GRIN2A: variants seen among roughly 807,000 people sequenced by gnomAD.
GRIN2A encodes glutamate receptor ionotropic, NMDA 2A.
In GRIN2A, 22 loss-of-function variants were observed where a neutral mutation model predicts 113.4. The ratio of observed to expected loss-of-function variants is 0.19; its 90% CI spans 0.14 to 0.28. The LOEUF is 0.28. Ranked by LOEUF, GRIN2A falls within the 10% of genes least tolerant of loss-of-function variation. The pLI, the probability that GRIN2A is intolerant of heterozygous loss-of-function variation, is 1.00. For missense variants in GRIN2A, 1,502 were observed against 1,887.0 expected, an observed-to-expected ratio of 0.80 and a Z score of 3.78; for synonymous variants, 827 against 738.4, an observed-to-expected ratio of 1.12 and a Z score of -1.94.
At chr16:10,091,456 A>G (rs1439333845) in intron 2 of GRIN2A, among the ~76,000 whole-genome samples, 1 of 62,690 alleles carries the variant, frequency 1.6e-5, no homozygotes, top group Non-Finnish European at 3.5e-5. Context: ...ATGTGTGTGT[A>G]TACACACACA....
chr16:9,995,786 G>T (rs1366472474), intron 2 of GRIN2A, among the ~76,000 whole-genome samples: 2 of 151,980 alleles, frequency 1.3e-5, no homozygotes, highest in Non-Finnish European at 2.9e-5. Flanking sequence ...CAATGCAAGG[G>T]ATAAATGACC....
chr16:9,988,476 A>G (rs937050319), intron 2 of GRIN2A, among the ~76,000 whole-genome samples: 5 of 151,988 alleles, frequency 3.3e-5, no homozygotes, highest in Non-Finnish European at 7.4e-5. Flanking sequence ...CAGCTCCCCC[A>G]AGTCTATATC....
At chr16:9,919,778 A>G (rs1024000880) in intron 3 of GRIN2A, among the ~76,000 whole-genome samples, 8 of 152,128 alleles carry the variant, frequency 5.3e-5, no homozygotes, top group South Asian at 4.1e-4. Flanking sequence ...CCTCTCTCCA[A>G]ATGCATGCTC....
chr16:10,123,017 A>G (rs1226351954), intron 2 of GRIN2A, among the ~76,000 whole-genome samples: 2 of 152,234 alleles, frequency 1.3e-5, no homozygotes, highest in Non-Finnish European at 2.9e-5. Flanking sequence ...ACTAGAGCTG[A>G]ATAAGTTGTC....
At chr16:10,145,891 C>T (rs2049429299) in intron 2 of GRIN2A, among the ~76,000 whole-genome samples, 1 of 152,140 alleles carries the variant, frequency 6.6e-6, no homozygotes. Flanking sequence ...GTAGGTGATA[C>T]CTTGATATGG....
chr16:10,141,296 G>A (rs117119449), intron 2 of GRIN2A, among the ~76,000 whole-genome samples: 28 of 151,720 alleles, frequency 1.8e-4, no homozygotes, highest in African/African-American at 5.6e-4. Context: ...CGAGACCAAC[G>A]TGGCAAATAT....
intron 2 of GRIN2A, among the ~76,000 whole-genome samples, chr16:10,165,743 GA>G (rs2049907367): frequency 3.0e-5 from 2 of 67,290 alleles, no homozygotes; most frequent in African/African-American, 1.1e-4. Flanking sequence ...GAAAGGAGGG[GA>G]GGGGAGAAAG....
chr16:10,066,595 G>T (rs1228385993), intron 2 of GRIN2A, among the ~76,000 whole-genome samples: 1 of 152,102 alleles, frequency 6.6e-6, no homozygotes, highest in African/African-American at 2.4e-5. Context: ...TAAAAATGAT[G>T]ACCTACAAAG....
In GRIN2A at chr16:9,809,447, T is replaced by C. The variant is rs1174750917; in HGVS notation, c.2169-10983A>G. 2.6e-5 allele frequency among the ~76,000 whole-genome samples: 4 copies of C among 151,706 alleles called. No homozygotes were observed. In the East Asian group the frequency reaches 7.8e-4, roughly 29 times the overall value. ...TCTGTCTCAGAAAAACAAAAACATA[T>C]GCAAATGCATATAATAAAAGTCTTG... On this transcript the variant is annotated intron_variant, in intron 10 of 12. Coordinates refer to ENST00000330684, the MANE Select transcript of GRIN2A (RefSeq NM_001134407.3).
chr16:9,859,645 G>C (rs7196447), intron 4 of GRIN2A, among the ~76,000 whole-genome samples: 2,913 of 143,566 alleles, frequency 0.02, 88 homozygotes, highest in African/African-American at 0.072. Context: ...CACACACACA[G>C]AGAGGATATG....
chr16:9,818,795 T>C (rs1030524207), intron 10 of GRIN2A, among the ~76,000 whole-genome samples: 1 of 152,226 alleles, frequency 6.6e-6, no homozygotes, highest in Admixed American at 6.5e-5. Context: ...TCTCATGCAC[T>C]GATGGGGTAA....
intron 2 of GRIN2A, among the ~76,000 whole-genome samples, chr16:10,048,296 A>T (rs1161189404): frequency 6.6e-6 from 1 of 152,180 alleles, no homozygotes; most frequent in Non-Finnish European, 1.5e-5. Context: ...CTATGTAAGC[A>T]ATTATTCCTT....
intron 2 of GRIN2A, among the ~76,000 whole-genome samples, chr16:9,993,281 G>T (rs2046159157): frequency 6.6e-6 from 1 of 152,020 alleles, no homozygotes; most frequent in Non-Finnish European, 1.5e-5. Flanking sequence ...TGGATATGGG[G>T]GTTCATGCCT....
intron 5 of GRIN2A, among the ~76,000 whole-genome samples, chr16:9,846,319 A>C (rs1346066364): frequency 6.6e-6 from 1 of 152,192 alleles, no homozygotes; most frequent in Non-Finnish European, 1.5e-5. Context: ...TAGGAGGGGC[A>C]TATTTATTTA....
chr16:10,126,978 G>C (rs2048953046), intron 2 of GRIN2A, among the ~76,000 whole-genome samples: 1 of 152,156 alleles, frequency 6.6e-6, no homozygotes, highest in Non-Finnish European at 1.5e-5. Flanking sequence ...GGGAGTTGGA[G>C]CTGCCCTAAG....
intron 2 of GRIN2A, among the ~76,000 whole-genome samples, chr16:10,065,978 G>T (rs1331807691): frequency 6.6e-6 from 1 of 152,176 alleles, no homozygotes; most frequent in African/African-American, 2.4e-5. Flanking sequence ...AGTGTTCCTT[G>T]AGAGAGGGCT....
intron 4 of GRIN2A, among the ~76,000 whole-genome samples, chr16:9,870,897 C>T (rs114848606): frequency 0.011 from 1,662 of 152,222 alleles, 43 homozygotes; most frequent in African/African-American, 0.038. Context: ...CTCGGCCTCC[C>T]TAAGTGCTAG....
intron 4 of GRIN2A, among the ~76,000 whole-genome samples, chr16:9,867,143 G>A (rs2043174452): frequency 2.0e-5 from 3 of 151,994 alleles, no homozygotes; most frequent in African/African-American, 7.2e-5. Context: ...CACCCACCTG[G>A]CAGCACCCTC....
chr16:9,907,142 C>T lies in GRIN2A; in HGVS notation c.1008-16042G>A, dbSNP rs141080463. ...AAGTCTTGTTTTTCTATTCAGCCAT[C>T]GAAGGACATTTAGGTGTTTTACAGT... On this transcript the variant is annotated intron_variant, in intron 3 of 12. Transcript: ENST00000330684. 2.0e-4 allele frequency among the ~76,000 whole-genome samples: 31 copies of T among 152,130 alleles called. No homozygotes were observed. The East Asian group carries it at 4.6e-3, about 23-fold the overall frequency.
Sources: allele counts gnomAD v4.1 joint callset (sites outside exome capture counted in the v4.1 genomes callset), GRCh38; gene constraint gnomAD v4.1.1; transcripts MANE v1.5; gene names NCBI Gene and HGNC (gene_info 2026-07-23, HGNC 2026-07-21).